FMNL2: variants seen among roughly 807,000 people sequenced by gnomAD.
The protein encoded by FMNL2 is formin like 2, also known as formin-like protein 2.
In FMNL2, 51 loss-of-function variants were observed where a neutral mutation model predicts 130.2. The ratio of observed to expected loss-of-function variants is 0.39; its 90% CI spans 0.31 to 0.49. The LOEUF (loss-of-function observed/expected upper bound fraction) is 0.49, where lower values mean the gene tolerates loss of function less well. Among genes scored for constraint, FMNL2 ranks in the 20% least tolerant of loss-of-function variants. FMNL2 has a pLI of 0.85. For missense variants in FMNL2, 977 were observed against 1,316.2 expected (o/e 0.74, Z 3.99); for synonymous variants, 465 against 467.1 (o/e 1.00, Z 0.06).
intron 1 of FMNL2, among the ~76,000 whole-genome samples, chr2:152,423,595 G>A (rs555490359): frequency 2.0e-5 from 3 of 152,258 alleles, no homozygotes; most frequent in African/African-American, 4.8e-5. Context: ...AATAAGATCC[G>A]ATAAATCCAT....
At chr2:152,574,845 G>C (rs1230847610) in intron 6 of FMNL2, among the ~76,000 whole-genome samples, 2 of 152,144 alleles carry the variant, frequency 1.3e-5, no homozygotes, top group East Asian at 1.9e-4. Flanking sequence ...TTAAGAAGAT[G>C]ATATATGCTT....
Position 152,337,391 on chromosome 2 carries a change from CTGTGTGTGTGTGTGTGTGTG to C in FMNL2, c.117+1685_117+1704del, listed in dbSNP as rs10524595. Among the ~76,000 whole-genome samples the C allele has an allele frequency of 1.7e-4, 25 of 143,448 alleles. 1 individual carries two copies. Among genetic ancestry groups the C allele is most frequent in the Admixed American group, 1.5e-3 (21 of 14,314 alleles). The allele number at this position is 143,448 out of a possible 152,430, so 94.1% of individuals were successfully genotyped here. On this transcript the variant is annotated intron_variant, in intron 1 of 25. Transcript: ENST00000288670. ...GTTTTTCCATCCATGCTGTGGTGCT[CTGTGTGTGTGTGTGTGTGTG>C]TGTGTGTGTGTGTCTGAATACTTGT...
chr2:152,557,669 C>T (rs1306999728), intron 4 of FMNL2, among the ~76,000 whole-genome samples: 1 of 152,186 alleles, frequency 6.6e-6, no homozygotes, highest in East Asian at 1.9e-4. Context: ...CAAGGGGTTG[C>T]TCATGCTTAA....
chr2:152,534,077 G>A (rs1693856262), intron 2 of FMNL2, among the ~76,000 whole-genome samples: 1 of 152,192 alleles, frequency 6.6e-6, no homozygotes, highest in South Asian at 2.1e-4. Context: ...TTGAAGTTGA[G>A]TGTTTTGAGC....
intron 9 of FMNL2, among the ~76,000 whole-genome samples, chr2:152,602,479 G>A (rs1157874125): frequency 5.3e-5 from 8 of 152,126 alleles, no homozygotes; most frequent in Non-Finnish European, 4.4e-5. Flanking sequence ...GCTCCTTGCC[G>A]CTCTGCTCGG....
chr2:152,579,615 T>C (rs1696664711), intron 8 of FMNL2, among the ~76,000 whole-genome samples: 1 of 152,142 alleles, frequency 6.6e-6, no homozygotes, highest in African/African-American at 2.4e-5. Context: ...GGAGAATGGC[T>C]TGAACCCAGG....
intron 1 of FMNL2, among the ~76,000 whole-genome samples, chr2:152,420,899 T>C (rs888727053): frequency 5.9e-5 from 9 of 152,148 alleles, no homozygotes; most frequent in Admixed American, 2.6e-4. Context: ...CAGGAAAGAC[T>C]AGGAGTAGGA....
intron 1 of FMNL2, among the ~76,000 whole-genome samples, chr2:152,361,868 A>C (rs1683200607): frequency 6.6e-6 from 1 of 152,226 alleles, no homozygotes; most frequent in Non-Finnish European, 1.5e-5. Flanking sequence ...AATTACACTC[A>C]TTTTAGTCTT....
At chr2:152,605,263 C>T (rs966725781) in intron 9 of FMNL2, among the ~76,000 whole-genome samples, 2 of 152,038 alleles carry the variant, frequency 1.3e-5, no homozygotes, top group Admixed American at 6.6e-5. Flanking sequence ...TTGAATCAGA[C>T]TCTCCAGTGT....
At chr2:152,510,023 A>G (rs141851481) in intron 1 of FMNL2, among the ~76,000 whole-genome samples, 6 of 152,270 alleles carry the variant, frequency 3.9e-5, no homozygotes, top group South Asian at 2.1e-4. Flanking sequence ...TACTGGGATT[A>G]TAGGCATGAG....
chr2:152,548,530 A>G (rs909538067), intron 3 of FMNL2, among the ~76,000 whole-genome samples: 1 of 152,150 alleles, frequency 6.6e-6, no homozygotes, highest in Non-Finnish European at 1.5e-5. Context: ...AGCTTTATGC[A>G]TGTTGTCATT....
intron 24 of FMNL2, among the ~76,000 whole-genome samples, chr2:152,640,395 A>G (rs1682980926): frequency 6.6e-6 from 1 of 152,226 alleles, no homozygotes; most frequent in Non-Finnish European, 1.5e-5. Context: ...TGGCCTTGAT[A>G]GCTGGAGGGA....
At chr2:152,521,325 C>G (rs11686482) in intron 1 of FMNL2, among the ~76,000 whole-genome samples, 122,536 of 152,108 alleles carry the variant, frequency 0.81, 49,614 homozygotes, top group East Asian at 0.97. Flanking sequence ...ATCTCTTTTG[C>G]CTCATGATTA....
intron 1 of FMNL2, among the ~76,000 whole-genome samples, chr2:152,367,778 A>C (rs1683642727): frequency 6.6e-6 from 1 of 152,194 alleles, no homozygotes; most frequent in Admixed American, 6.5e-5. Flanking sequence ...TTTGTTGAGA[A>C]GGGCTTATAG....
intron 1 of FMNL2, among the ~76,000 whole-genome samples, chr2:152,432,869 G>A (rs1306660148): frequency 2.0e-5 from 3 of 152,314 alleles, no homozygotes; most frequent in Non-Finnish European, 4.4e-5. Flanking sequence ...GCTTTGCAGC[G>A]TAGGATAATA....
chr2:152,425,826 G>T lies in FMNL2; in HGVS notation c.117+90106G>T, dbSNP rs1018930978. ...GTTTCCCATGTGTTTCTAATCAATA[G>T]TTCTTGGCGGTTTCCAAACGACTTC... On this transcript the variant is annotated intron_variant, in intron 1 of 25. Coordinates refer to ENST00000288670, the MANE Select transcript of FMNL2 (RefSeq NM_052905.4). 2.6e-5 allele frequency among the ~76,000 whole-genome samples: 4 copies of T among 152,164 alleles called. No individual in the cohort carries two copies. In the East Asian group the frequency reaches 5.8e-4, roughly 22 times the overall value.
intron 3 of FMNL2, among the ~76,000 whole-genome samples, chr2:152,548,514 C>T (rs560042213): frequency 1.3e-5 from 2 of 152,308 alleles, no homozygotes; most frequent in South Asian, 2.1e-4. Flanking sequence ...CACTGAGTCT[C>T]TAATGAGCTT....
intron 1 of FMNL2, among the ~76,000 whole-genome samples, chr2:152,434,994 G>A (rs1269209262): frequency 6.6e-6 from 1 of 151,984 alleles, no homozygotes; most frequent in Non-Finnish European, 1.5e-5. Context: ...CATCTAGATG[G>A]CATGGTTTAT....
At chr2:152,599,730 G>A (rs1019937124) in intron 9 of FMNL2, among the ~76,000 whole-genome samples, 24 of 152,126 alleles carry the variant, frequency 1.6e-4, no homozygotes, top group African/African-American at 5.6e-4. Flanking sequence ...TACAAATGTT[G>A]TATTTATGAA....
Sources: allele counts gnomAD v4.1 joint callset (sites outside exome capture counted in the v4.1 genomes callset), GRCh38; gene constraint gnomAD v4.1.1; transcripts MANE v1.5; gene names NCBI Gene and HGNC (gene_info 2026-07-23, HGNC 2026-07-21).